The following EPB41L4A variants were observed in gnomAD, a reference collection of about 807,000 sequenced individuals.
The protein encoded by EPB41L4A is band 4.1-like protein 4A.
EPB41L4A carries 100 observed loss-of-function variants against 108.6 expected under a neutral mutation model. That is an observed-to-expected ratio of 0.92 (90% CI 0.78 to 1.09). The LOEUF (loss-of-function observed/expected upper bound fraction) is 1.09. Among genes scored for constraint, EPB41L4A ranks in the 50% least tolerant of loss-of-function variants. The pLI, the probability that EPB41L4A is intolerant of heterozygous loss-of-function variation, is 0.00. For missense variants in EPB41L4A, 1,030 were observed against 842.7 expected, an observed-to-expected ratio of 1.22 and a Z score of -2.75; for synonymous variants, 319 against 289.0, an observed-to-expected ratio of 1.10 and a Z score of -1.05.
At chr5:112,189,807 T>C (rs1353650404) in intron 17 of EPB41L4A, among the ~76,000 whole-genome samples, 1 of 152,210 alleles carries the variant, frequency 6.6e-6, no homozygotes, top group African/African-American at 2.4e-5. Context: ...CCTCAGTGAA[T>C]GCTCAAAGGA....
chr5:112,263,187 T>C (rs966001812), intron 6 of EPB41L4A, among the ~76,000 whole-genome samples: 3 of 152,156 alleles, frequency 2.0e-5, no homozygotes, highest in African/African-American at 7.2e-5. Flanking sequence ...CTGATGAGGG[T>C]GAGCATCAGC....
chr5:112,347,702 C>G (rs746180751), intron 1 of EPB41L4A, among the ~76,000 whole-genome samples: 6 of 152,168 alleles, frequency 3.9e-5, no homozygotes, highest in Non-Finnish European at 7.3e-5. Context: ...TTGTGGAATA[C>G]AGCAGTGAGA....
chr5:112,162,665 G>A lies in EPB41L4A; in HGVS notation c.*2325C>T, dbSNP rs1580344008. On this transcript the variant is annotated 3_prime_UTR_variant, in exon 23 of 23. Transcript: ENST00000261486. ...TATTGAAAGCACTGTACTAGGAGCT[G>A]AGAACACGATGATGAGCACAACACA... 1.3e-5 allele frequency: 2 copies of A among 152,340 alleles called. No individual in the cohort carries two copies. The highest frequency in any genetic ancestry group is 2.4e-5 in the African/African-American group (1 of 41,570). The allele number at this position is 152,340 out of a possible 1,614,324, so 9.4% of individuals were successfully genotyped here. A position where few individuals can be genotyped will look rare whatever the true frequency, so the allele number is the denominator to read the frequency against.
At chr5:112,149,699 A>C (rs911159736) in intron 12 of EPB41L4A, among the ~76,000 whole-genome samples, 3 of 152,222 alleles carry the variant, frequency 2.0e-5, no homozygotes, top group Admixed American at 1.3e-4. Context: ...ATAATTCAGA[A>C]CAAATAAAAA....
intron 1 of EPB41L4A, among the ~76,000 whole-genome samples, chr5:112,393,093 G>A (rs1378871935): frequency 2.0e-5 from 3 of 152,190 alleles, no homozygotes; most frequent in African/African-American, 4.8e-5. Context: ...TTAAAGCAGT[G>A]TGTAGAGGCA....
rs1343181461 is a variant in EPB41L4A at position 112,324,503 on chromosome 5, T to C, written c.100-17013A>G. Among the ~76,000 whole-genome samples, 5 of 152,064 alleles carry C rather than the reference T, an allele frequency of 3.3e-5. No individual in the cohort carries two copies. The East Asian group carries it at 5.8e-4, about 18-fold the overall frequency. ...CACTTTGGAGGCCGAGGCGGGCAGATCACGAGGTAAGGAGTTCAAGACTAG... is the reference window on the plus strand; with the variant it reads ...CACTTTGGAGGCCGAGGCGGGCAGACCACGAGGTAAGGAGTTCAAGACTAG... On this transcript the variant is annotated intron_variant, in intron 1 of 22. Transcript: ENST00000261486.
At chr5:112,267,445 C>T (rs1205769850) in intron 4 of EPB41L4A, among the ~76,000 whole-genome samples, 1 of 152,208 alleles carries the variant, frequency 6.6e-6, no homozygotes, top group Non-Finnish European at 1.5e-5. Flanking sequence ...TTGGCATCAA[C>T]TTTTATTGCA....
intron 1 of EPB41L4A, among the ~76,000 whole-genome samples, chr5:112,310,151 A>T (rs1754956941): frequency 6.6e-6 from 1 of 152,188 alleles, no homozygotes; most frequent in African/African-American, 2.4e-5. Flanking sequence ...GCTAGTGATA[A>T]TTTGTTATGC....
At chr5:112,340,504 C>G (rs1757243064) in intron 1 of EPB41L4A, among the ~76,000 whole-genome samples, 1 of 152,148 alleles carries the variant, frequency 6.6e-6, no homozygotes, top group African/African-American at 2.4e-5. Flanking sequence ...CTCTGGCCAA[C>G]AGTTTGAGAA....
chr5:112,400,880 G>C (rs921294685), intron 1 of EPB41L4A, among the ~76,000 whole-genome samples: 1 of 151,932 alleles, frequency 6.6e-6, no homozygotes, highest in Non-Finnish European at 1.5e-5. Flanking sequence ...AAAATATCTT[G>C]AGTGCAAGTA....
At chr5:112,273,500 C>A (rs1424849422) in intron 4 of EPB41L4A, among the ~76,000 whole-genome samples, 3 of 152,084 alleles carry the variant, frequency 2.0e-5, no homozygotes, top group African/African-American at 4.8e-5. Flanking sequence ...GGACCCTAAC[C>A]CCTATTGAAG....
At chr5:112,245,466 G>C (rs898782535) in intron 9 of EPB41L4A, among the ~76,000 whole-genome samples, 1 of 152,160 alleles carries the variant, frequency 6.6e-6, no homozygotes, top group African/African-American at 2.4e-5. Flanking sequence ...GAGTTTATTT[G>C]TAAGATGAAG....
chr5:112,162,909 G>C lies in EPB41L4A; in HGVS notation c.*2081C>G, dbSNP rs911608624. ...ATACCGTTAGTCCACTTACTTTTGA[G>C]ACAGTTTTGGCTGCTTTCCCTCTTC... On this transcript the variant is annotated 3_prime_UTR_variant, in exon 23 of 23. Coordinates refer to ENST00000261486, the MANE Select transcript of EPB41L4A (RefSeq NM_022140.5). 9.2e-5 allele frequency: 14 copies of C among 152,238 alleles called. No homozygotes were observed. The highest frequency in any genetic ancestry group is 3.4e-4 in the African/African-American group (14 of 41,456). 9.4% of individuals were successfully genotyped at this position (152,238 alleles called of 1,614,324 possible). A position where few individuals can be genotyped will look rare whatever the true frequency, so the allele number is the denominator to read the frequency against.
intron 1 of EPB41L4A, among the ~76,000 whole-genome samples, chr5:112,393,939 G>A (rs146823653): frequency 0.012 from 1,778 of 151,838 alleles, 26 homozygotes; most frequent in South Asian, 0.038. Flanking sequence ...TTCAACATAC[G>A]CAAATCAATA....
At chr5:112,382,143 T>C (rs1222095394) in intron 1 of EPB41L4A, among the ~76,000 whole-genome samples, 2 of 152,246 alleles carry the variant, frequency 1.3e-5, no homozygotes, top group African/African-American at 2.4e-5. Flanking sequence ...ATTCTGGCTT[T>C]TAAAATTCTT....
At chr5:112,240,882 C>T (rs1042565764) in intron 9 of EPB41L4A, 72 bp from the exon 10 acceptor site, 1 of 848,186 alleles carries the variant, frequency 1.2e-6, no homozygotes, top group African/African-American at 1.8e-5. Context: ...AATAACAGCC[C>T]CCTTTAAGTA....
At chr5:112,361,051 T>C (rs1451754764) in intron 1 of EPB41L4A, among the ~76,000 whole-genome samples, 3 of 152,102 alleles carry the variant, frequency 2.0e-5, no homozygotes, top group Admixed American at 6.5e-5. Context: ...CGGGCCATGA[T>C]GACGATGGCG....
At chr5:112,384,743 AAG>A (rs1214655663) in intron 1 of EPB41L4A, among the ~76,000 whole-genome samples, 1 of 151,758 alleles carries the variant, frequency 6.6e-6, no homozygotes, top group Non-Finnish European at 1.5e-5. Flanking sequence ...CAAAAAGAGA[AAG>A]AGAAACAAGG....
At chr5:112,340,306 A>G (rs958850819) in intron 1 of EPB41L4A, among the ~76,000 whole-genome samples, 4 of 152,298 alleles carry the variant, frequency 2.6e-5, no homozygotes, top group Middle Eastern at 6.8e-3. Context: ...CCTTGTTGAA[A>G]CAGACTGCTA....
Sources: gnomAD v4.1 joint callset for allele counts (sites outside exome capture counted in the v4.1 genomes callset) on GRCh38, gnomAD v4.1.1 for gene constraint, MANE v1.5 for transcripts, NCBI Gene and HGNC (gene_info 2026-07-23, HGNC 2026-07-21) for gene names.